DCX: variants seen among roughly 807,000 people sequenced by gnomAD.
The protein encoded by DCX is doublecortin.
DCX carries 4 observed loss-of-function variants against 20.9 expected under a neutral mutation model. The ratio of observed to expected loss-of-function variants is 0.19; its 90% confidence interval spans 0.09 to 0.44. The LOEUF is 0.44. Ranked by LOEUF, DCX falls within the 20% of genes least tolerant of loss-of-function variation. The pLI is 0.99. For synonymous variants in DCX, 103 were observed against 111.4 expected, an observed-to-expected ratio of 0.92 and a Z score of 0.47; for missense variants, 133 against 296.9, an observed-to-expected ratio of 0.45 and a Z score of 4.06.
rs776517479 is a variant in DCX at position 111,361,676 on chromosome X, C to T, written c.706-28523G>A. Among the ~76,000 whole-genome samples the T allele has an allele frequency of 4.4e-5, 5 of 112,502 alleles. No homozygotes were observed. The South Asian group carries it at 1.8e-3, about 42-fold the overall frequency. On this transcript the variant is annotated intron_variant, in intron 3 of 6. Coordinates refer to ENST00000636035, the MANE Select transcript of DCX (RefSeq NM_001195553.2). ...TCCATCAAAGGCTCATTTGTAGCTT[C>T]TTGTTTCCTCTATAACTGGCTTTAA... is the stretch of plus-strand genomic sequence containing the variant.
At chrX:111,373,127 T>G (rs749027199) in intron 3 of DCX, among the ~76,000 whole-genome samples, 1 of 112,136 alleles carries the variant, frequency 8.9e-6, no homozygotes, top group South Asian at 3.7e-4. Context: ...AATGTTCCAT[T>G]ATTGCAAAAC....
Position 111,306,138 on chromosome X carries a change from C to T in DCX, c.1045-4395G>A, listed in dbSNP as rs758189767. Among the ~76,000 whole-genome samples, 5 of 110,985 alleles carry T rather than the reference C, an allele frequency of 4.5e-5. No individual in the cohort carries two copies. The South Asian group carries it at 1.9e-3, about 42-fold the overall frequency. On this transcript the variant is annotated intron_variant, in intron 6 of 6. Transcript: ENST00000636035. ...CAATCCAATTAAAGGCAGAGACTGG[C>T]AAAATAGATTTTTTAAAAACATGAT... is the stretch of plus-strand genomic sequence containing the variant.
chrX:111,307,663 C>T (rs2095048530), intron 6 of DCX, among the ~76,000 whole-genome samples: 1 of 111,146 alleles, frequency 9.0e-6, no homozygotes, highest in Non-Finnish European at 1.9e-5. Flanking sequence ...CTTTAGTTAC[C>T]CCAAAGCAAG....
Position 111,385,783 on chromosome X carries a change from GGGAAGGAAGGAAGGAAGGAAGGAA to G in DCX, c.705+15183_705+15206del, listed in dbSNP as rs772837208. Among the ~76,000 whole-genome samples the G allele has an allele frequency of 1.3e-3, 70 of 52,863 alleles. No individual in the cohort carries two copies. In the Middle Eastern group the frequency reaches 0.028, roughly 21 times the overall value. The allele number at this position is 52,863 out of a possible 115,157, so 45.9% of individuals were successfully genotyped here. ...AGGGAGGGAGGGAAGGAGGGAGGGAGGGAAGGAAGGAAGGAAGGAAGGAAGGAAGGAAGGAAGGAAGGAAGGAAG... is the reference window on the plus strand; with the variant it reads ...AGGGAGGGAGGGAAGGAGGGAGGGAGGGAAGGAAGGAAGGAAGGAAGGAAG... On this transcript the variant is annotated intron_variant, in intron 3 of 6. Coordinates refer to ENST00000636035, the MANE Select transcript of DCX (RefSeq NM_001195553.2).
At chrX:111,339,177 T>A (rs1214138937) in intron 3 of DCX, among the ~76,000 whole-genome samples, 1 of 111,982 alleles carries the variant, frequency 8.9e-6, no homozygotes, top group Non-Finnish European at 1.9e-5. Context: ...TATTTTTTAT[T>A]TACATATTTT....
intron 3 of DCX, among the ~76,000 whole-genome samples, chrX:111,336,247 C>T (rs1921718959): frequency 8.9e-6 from 1 of 112,085 alleles, no homozygotes; most frequent in Non-Finnish European, 1.9e-5. Context: ...ATCCACCCTC[C>T]TCCAACCACA....
chrX:111,338,566 C>T lies in DCX; in HGVS notation c.706-5413G>A, dbSNP rs187841542. On this transcript the variant is annotated intron_variant, in intron 3 of 6. Coordinates refer to ENST00000636035, the MANE Select transcript of DCX (RefSeq NM_001195553.2). ...GGCTTGGTGAACTGCAGCAACCTTT[C>T]GGAAACAATCCTGACTTTTTTTTTT... Among the ~76,000 whole-genome samples the T allele has an allele frequency of 4.3e-4, 47 of 108,253 alleles. 1 individual carries two copies. The highest frequency in any genetic ancestry group is 3.5e-3 in the East Asian group (12 of 3,452). The allele number at this position is 108,253 out of a possible 115,157, so 94.0% of individuals were successfully genotyped here.
At chrX:111,348,879 G>A (rs868635403) in intron 3 of DCX, among the ~76,000 whole-genome samples, 1 of 105,586 alleles carries the variant, frequency 9.5e-6, no homozygotes, top group African/African-American at 3.6e-5. Context: ...AAAAAAAAAA[G>A]AAAAGAAAAG....
intron 5 of DCX, among the ~76,000 whole-genome samples, chrX:111,321,728 C>A (rs1232900769): frequency 9.0e-6 from 1 of 111,384 alleles, no homozygotes; most frequent in African/African-American, 3.3e-5. Flanking sequence ...GGAGGCTGGA[C>A]CAATTCCTGG....
At chrX:111,305,863 T>TA (rs1356474133) in intron 6 of DCX, among the ~76,000 whole-genome samples, 1 of 111,161 alleles carries the variant, frequency 9.0e-6, no homozygotes, top group Non-Finnish European at 1.9e-5. Flanking sequence ...CAAGTTTGTA[T>TA]TAATCTTAAG....
At position 111,300,459 on chromosome X, in the gene DCX, G is replaced by A. The variant is rs752576172; in HGVS notation, c.*1228C>T. 1.8e-5 allele frequency: 2 copies of A among 112,449 alleles called. No individual in the cohort carries two copies. Among genetic ancestry groups the A allele is most frequent in the Admixed American group, 1.9e-4 (2 of 10,576 alleles). The allele number at this position is 112,449 out of a possible 1,213,427, so 9.3% of individuals were successfully genotyped here. On this transcript the variant is annotated 3_prime_UTR_variant, in exon 7 of 7. Coordinates refer to ENST00000636035, the MANE Select transcript of DCX (RefSeq NM_001195553.2). ...ATTTCATTTAAAATATAATTAGAAT[G>A]TCTGGTCCACATTGAAATTATTAAT...
chrX:111,316,094 A>AATAAATAAATT (rs1556369845), intron 5 of DCX, among the ~76,000 whole-genome samples: 4 of 94,440 alleles, frequency 4.2e-5, no homozygotes, highest in African/African-American at 2.1e-4. Flanking sequence ...AATAAAAAAA[A>AATAAATAAATT]AAAAAAAAAA....
chrX:111,342,729 G>A (rs1339062289), intron 3 of DCX, among the ~76,000 whole-genome samples: 1 of 110,199 alleles, frequency 9.1e-6, no homozygotes, highest in Non-Finnish European at 1.9e-5. Context: ...TCAGACCACA[G>A]TGCAATCAAA....
intron 3 of DCX, among the ~76,000 whole-genome samples, chrX:111,336,532 C>T (rs1255904914): frequency 8.9e-6 from 1 of 112,046 alleles, no homozygotes; most frequent in Non-Finnish European, 1.9e-5. Flanking sequence ...GACACGGCAG[C>T]CCCCCATCTT....
intron 6 of DCX, among the ~76,000 whole-genome samples, chrX:111,310,058 T>C (rs2095053939): frequency 8.9e-6 from 1 of 112,642 alleles, no homozygotes; most frequent in Admixed American, 9.4e-5. Flanking sequence ...ATAGGCCCAG[T>C]GCGGTGGCTC....
chrX:111,326,947 T>C (rs1044650649), intron 5 of DCX, among the ~76,000 whole-genome samples: 2 of 111,923 alleles, frequency 1.8e-5, no homozygotes, highest in Non-Finnish European at 3.8e-5. Context: ...AACTGAACCA[T>C]GAATTTGACC....
intron 3 of DCX, among the ~76,000 whole-genome samples, chrX:111,384,003 G>A (rs903084570): frequency 9.0e-6 from 1 of 111,400 alleles, no homozygotes; most frequent in African/African-American, 3.3e-5. Flanking sequence ...GGGGTTAAAG[G>A]ACGGCTGAAG....
At chrX:111,336,081 A>G (rs774675940) in intron 3 of DCX, among the ~76,000 whole-genome samples, 38 of 112,761 alleles carry the variant, frequency 3.4e-4, no homozygotes, top group Non-Finnish European at 5.6e-5. Flanking sequence ...TTCCCTGCAA[A>G]GTCACCAGAG....
intron 6 of DCX, among the ~76,000 whole-genome samples, chrX:111,311,754 T>C (rs775349152): frequency 4.7e-4 from 53 of 112,664 alleles, no homozygotes; most frequent in Non-Finnish European, 9.2e-4. Flanking sequence ...AAAACTAATT[T>C]ATCTCCATCT....
Sources: allele counts gnomAD v4.1 joint callset (sites outside exome capture counted in the v4.1 genomes callset), GRCh38; gene constraint gnomAD v4.1.1; transcripts MANE v1.5; gene names NCBI Gene and HGNC (gene_info 2026-07-23, HGNC 2026-07-21).